XIAP: variants seen among roughly 807,000 people sequenced by gnomAD.
XIAP encodes E3 ubiquitin-protein ligase XIAP.
Under a neutral mutation model 33.1 loss-of-function variants are expected in XIAP, and 3 were observed. The observed-to-expected ratio is 0.09, with a 90% CI of 0.04 to 0.23. The LOEUF (loss-of-function observed/expected upper bound fraction) is 0.23, where lower values mean the gene tolerates loss of function less well. Ranked by LOEUF, XIAP falls within the 10% of genes least tolerant of loss-of-function variation. XIAP has a pLI of 1.00. For synonymous variants in XIAP, 98 were observed against 121.3 expected (o/e 0.81, Z 1.26); for missense variants, 264 against 363.0 (o/e 0.73, Z 2.22).
intron 5 of XIAP, among the ~76,000 whole-genome samples, chrX:123,898,367 T>C (rs1463788086): frequency 9.0e-6 from 1 of 111,359 alleles, no homozygotes; most frequent in African/African-American, 3.3e-5. Context: ...TTTGTTTTGT[T>C]TTTTTGTTTT....
At chrX:123,878,011 A>G (rs2053263471) in intron 1 of XIAP, among the ~76,000 whole-genome samples, 1 of 111,072 alleles carries the variant, frequency 9.0e-6, no homozygotes, top group African/African-American at 3.3e-5. Flanking sequence ...TAGTTAAAGG[A>G]AAAATTCACT....
chrX:123,890,077 T>C (rs1287719740), intron 3 of XIAP, among the ~76,000 whole-genome samples: 1 of 78,857 alleles, frequency 1.3e-5, no homozygotes, highest in Non-Finnish European at 2.3e-5. Flanking sequence ...AGTGCAGTGG[T>C]GCGATCTCGG....
At chrX:123,872,869 C>T (rs984254922) in intron 1 of XIAP, 2 of 110,378 alleles carry the variant, frequency 1.8e-5, no homozygotes, top group Admixed American at 2.0e-4. Context: ...CCCTCTCTCT[C>T]TCTTTTTTTT....
chrX:123,883,846 A>G (rs752672123), intron 1 of XIAP, among the ~76,000 whole-genome samples: 6 of 111,316 alleles, frequency 5.4e-5, no homozygotes, highest in Non-Finnish European at 1.1e-4. Context: ...GAAAGAGTAG[A>G]ACAAGGAGTT....
intron 1 of XIAP, among the ~76,000 whole-genome samples, chrX:123,867,979 A>G (rs7051932): frequency 9.1e-6 from 1 of 110,491 alleles, no homozygotes; most frequent in Non-Finnish European, 1.9e-5. Context: ...CCCAGCCTGA[A>G]GTCTTTCAAA....
chrX:123,875,825 A>G (rs897081016), intron 1 of XIAP, among the ~76,000 whole-genome samples: 5 of 110,501 alleles, frequency 4.5e-5, no homozygotes, highest in African/African-American at 1.6e-4. Flanking sequence ...AGCTGGGATT[A>G]CAGGCATGTG....
At chrX:123,861,633 G>A (rs1461255815) in intron 1 of XIAP, among the ~76,000 whole-genome samples, 7 of 111,983 alleles carry the variant, frequency 6.3e-5, no homozygotes, top group Non-Finnish European at 1.3e-4. Context: ...GTTTGAATTT[G>A]TTATAAATTC....
intron 1 of XIAP, among the ~76,000 whole-genome samples, chrX:123,866,515 C>A (rs866934121): frequency 5.8e-4 from 36 of 61,941 alleles, no homozygotes; most frequent in Non-Finnish European, 8.5e-4. Context: ...TATGATATAT[C>A]ATATATAATA....
At chrX:123,864,207 TTTCA>T (rs1429439755) in intron 1 of XIAP, among the ~76,000 whole-genome samples, 2 of 110,541 alleles carry the variant, frequency 1.8e-5, no homozygotes, top group Non-Finnish European at 3.8e-5. Flanking sequence ...TCTCCTTTTA[TTTCA>T]TTGTAAACAT....
At position 123,886,223 on chromosome X, in the gene XIAP, T is replaced by A; in HGVS notation, c.561T>A (p.Ala187=). Residue 187 remains alanine, a synonymous_variant, in exon 2 of 7, where the codon GCT becomes GCA. Coordinates refer to ENST00000371199, the MANE Select transcript of XIAP (RefSeq NM_001167.4). The part of the protein sequence containing the change: ...AHLTPRELAS[A]GLYYTGIGDQ... ...TAACCCCAAGAGAGTTAGCAAGTGCTGGACTCTACTACACAGGTATTGGTG... is the reference window on the plus strand; with the variant it reads ...TAACCCCAAGAGAGTTAGCAAGTGCAGGACTCTACTACACAGGTATTGGTG... 8.2e-7 allele frequency: 1 copy of A among 1,212,247 alleles called. No homozygotes were observed. The highest frequency in any genetic ancestry group is 3.0e-5 in the East Asian group (1 of 33,889).
At chrX:123,904,360 C>T (rs2053541818) in intron 6 of XIAP, among the ~76,000 whole-genome samples, 1 of 111,888 alleles carries the variant, frequency 8.9e-6, no homozygotes, top group Non-Finnish European at 1.9e-5. Context: ...GGTGTTGATG[C>T]TTTCTTATAA....
chrX:123,880,737 C>CAA (rs35365799), intron 1 of XIAP, among the ~76,000 whole-genome samples: 1 of 63,962 alleles, frequency 1.6e-5, no homozygotes, highest in Non-Finnish European at 3.0e-5. Flanking sequence ...AACTCTGTTT[C>CAA]AAAAAAAAAA....
chrX:123,882,976 G>A (rs2053317124), intron 1 of XIAP, among the ~76,000 whole-genome samples: 1 of 109,834 alleles, frequency 9.1e-6, no homozygotes, highest in South Asian at 3.9e-4. Flanking sequence ...TTTTTTTTTA[G>A]TAGAGACGGG....
Position 123,913,269 on chromosome X carries a change from G to GC in XIAP, c.*6088_*6089insC, listed in dbSNP as rs1234532994. 6 of 325,622 alleles carry GC rather than the reference G, an allele frequency of 1.8e-5. No individual in the cohort carries two copies. Among genetic ancestry groups the GC allele is most frequent in the Non-Finnish European group, 3.6e-5 (6 of 168,947 alleles). The allele number at this position is 325,622 out of a possible 1,213,427, so 26.8% of individuals were successfully genotyped here. ...GGCGGCTCACCTGAGGTCAGGAGTT[G>GC]GAGACCAGCCTGGCCAACATGCTGA... On this transcript the variant is annotated 3_prime_UTR_variant, in exon 7 of 7. Coordinates refer to ENST00000371199, the MANE Select transcript of XIAP (RefSeq NM_001167.4).
rs1329800242 is a variant in XIAP, at chrX:123,912,758, CA to C, written c.*5578del. The C allele has an allele frequency of 6.1e-6, 2 of 327,016 alleles. No individual in the cohort carries two copies. The highest frequency in any genetic ancestry group is 6.3e-5 in the Admixed American group (2 of 31,888). 26.9% of individuals were successfully genotyped at this position (327,016 alleles called of 1,213,427 possible). A position where few individuals can be genotyped will look rare whatever the true frequency, so the allele number is the denominator to read the frequency against. On this transcript the variant is annotated 3_prime_UTR_variant, in exon 7 of 7. Transcript: ENST00000371199. ...GGAGTGCAATGGCACAATCTTGGCTCATGGCAAACTCTGCCTCGCAAGCAGC... is the reference window on the plus strand; with the variant it reads ...GGAGTGCAATGGCACAATCTTGGCTCTGGCAAACTCTGCCTCGCAAGCAGC...
At chrX:123,864,346 A>G (rs1277606612) in intron 1 of XIAP, among the ~76,000 whole-genome samples, 1 of 110,601 alleles carries the variant, frequency 9.0e-6, no homozygotes. Context: ...AGCAAAACCT[A>G]CAGTTTATGA....
intron 5 of XIAP, among the ~76,000 whole-genome samples, chrX:123,893,542 A>G (rs2053429257): frequency 9.0e-6 from 1 of 110,835 alleles, no homozygotes; most frequent in Admixed American, 9.7e-5. Context: ...ACAAAAATGA[A>G]AAAAATAATT....
chrX:123,896,026 TG>T (rs2148101636), intron 5 of XIAP, among the ~76,000 whole-genome samples: 1 of 110,867 alleles, frequency 9.0e-6, no homozygotes, highest in South Asian at 3.8e-4. Context: ...GCTCCCAAAG[TG>T]CTGGGATTAC....
At chrX:123,859,777 G>A (rs1293386267), upstream of XIAP, 4 of 206,654 alleles carry the variant, frequency 1.9e-5, no homozygotes, top group Admixed American at 6.4e-5. Context: ...GGGGTCGGGT[G>A]GGGGTGGGGG....
Sources: allele counts gnomAD v4.1 joint callset (sites outside exome capture counted in the v4.1 genomes callset), GRCh38; gene constraint gnomAD v4.1.1; transcripts MANE v1.5; gene names NCBI Gene and HGNC (gene_info 2026-07-23, HGNC 2026-07-21).